DOK7: variants seen among roughly 807,000 people sequenced by gnomAD.
The protein encoded by DOK7 is docking protein 7, also known as protein Dok-7.
Under a neutral mutation model 30.7 loss-of-function variants are expected in DOK7, and 32 were observed. The ratio of observed to expected loss-of-function variants is 1.04; its 90% CI spans 0.79 to 1.40. DOK7 has a LOEUF of 1.40. Ranked by LOEUF, DOK7 falls within the 40% of genes most tolerant of loss-of-function variation. The pLI, the probability that DOK7 is intolerant of heterozygous loss-of-function variation, is 0.00. For missense variants in DOK7, 1,007 were observed against 699.2 expected (o/e 1.44, Z -4.97); for synonymous variants, 447 against 324.1 (o/e 1.38, Z -4.07).
Position 3,494,373 on chromosome 4 carries a change from G to A in DOK7, c.*872G>A, listed in dbSNP as rs530918400. The A allele has an allele frequency of 8.3e-5, 82 of 985,602 alleles. No homozygotes were observed. The African/African-American group carries it at 1.2e-3, about 14-fold the overall frequency. 61.1% of individuals were successfully genotyped at this position (985,602 alleles called of 1,614,324 possible). ...TCTTGCACAGCCTGGAGCCTGCCCT[G>A]ACCACAGCCCAGCAGCTCCCTGTGA... On this transcript the variant is annotated 3_prime_UTR_variant, in exon 7 of 7. Transcript: ENST00000340083.
intron 6 of DOK7, among the ~76,000 whole-genome samples, chr4:3,490,408 C>CCTCCTGCTCATTCATTCCTTCTTTAA (rs1728225413): frequency 1.5e-5 from 1 of 68,012 alleles, no homozygotes; most frequent in Non-Finnish European, 2.9e-5. Context: ...CCTTCTTTCA[C>CCTCCTGCTCATTCATTCCTTCTTTAA]CCCCCCCACC....
At chr4:3,499,050 G>C (rs1451675448), downstream of DOK7, among the ~76,000 whole-genome samples, 1 of 152,242 alleles carries the variant, frequency 6.6e-6, no homozygotes, top group Non-Finnish European at 1.5e-5. Context: ...GAGTGACGGG[G>C]ACAAGGGTGA....
At chr4:3,490,605 TCC>T (rs1728275864) in intron 6 of DOK7, among the ~76,000 whole-genome samples, 1 of 80,754 alleles carries the variant, frequency 1.2e-5, no homozygotes, top group East Asian at 5.5e-4. Context: ...ATTTCTTCTC[TCC>T]CTGCTCGTTC....
exon 8 of DOK7, chr4:3,500,876 TG>T: frequency 6.8e-7 from 1 of 1,477,892 alleles, no homozygotes; most frequent in Non-Finnish European, 9.0e-7. Context: ...TGCGGCCCCG[TG>T]GCCCCCGGCA....
At chr4:3,480,564 C>T (rs1202476303) in intron 4 of DOK7, among the ~76,000 whole-genome samples, 3 of 152,116 alleles carry the variant, frequency 2.0e-5, no homozygotes, top group African/African-American at 4.8e-5. Flanking sequence ...GCTGAGATCC[C>T]GCCATTGCAG....
At chr4:3,496,803 G>C, downstream of DOK7, 1 of 1,536,112 alleles carries the variant, frequency 6.5e-7, no homozygotes. Flanking sequence ...CACTGACCCA[G>C]GTTCTCTTTG....
intron 2 of DOK7, among the ~76,000 whole-genome samples, chr4:3,463,934 G>A (rs1726123753): frequency 6.6e-6 from 1 of 152,196 alleles, no homozygotes; most frequent in African/African-American, 2.4e-5. Flanking sequence ...CAGGGGTGCT[G>A]CGTGGGTTAG....
chr4:3,473,146 G>A (rs536606701), intron 2 of DOK7, among the ~76,000 whole-genome samples: 2 of 152,386 alleles, frequency 1.3e-5, no homozygotes, highest in East Asian at 3.9e-4. Context: ...CCAGAACCCA[G>A]TCATGGGAGC....
At position 3,476,338 on chromosome 4, in the gene DOK7, G is replaced by A. The variant is rs199578351; in HGVS notation, c.332-4G>A. 1,968 of 1,384,606 alleles carry A rather than the reference G, an allele frequency of 1.4e-3. 67 individuals carry two copies. The African/African-American group carries it at 0.028, about 20-fold the overall frequency. The allele number at this position is 1,384,606 out of a possible 1,614,324, so 85.8% of individuals were successfully genotyped here. A position where few individuals can be genotyped will look rare whatever the true frequency, so the allele number is the denominator to read the frequency against. ...TGATGCCCTCTTGCCCCGCCTGCCC[G>A]CAGTGCATAGGTTCCATGTGACAGT... On this transcript the variant is annotated splice_region_variant and splice_polypyrimidine_tract_variant and intron_variant, in intron 3 of 6. Coordinates refer to ENST00000340083, the MANE Select transcript of DOK7 (RefSeq NM_173660.5).
In DOK7 at chr4:3,468,486, GTA is replaced by G. The variant is rs530854690; in HGVS notation, c.101-4918_101-4917del. 3.6e-4 allele frequency among the ~76,000 whole-genome samples: 55 copies of G among 151,648 alleles called. No individual in the cohort carries two copies. The South Asian group carries it at 7.1e-3, about 20-fold the overall frequency. ...CATGTATGTGTGCCTCTGTGTACAT[GTA>G]TGAGTGTGCATGTGCGTGTGTGCGT... On this transcript the variant is annotated intron_variant, in intron 2 of 6. Transcript: ENST00000340083.
Position 3,473,316 on chromosome 4 carries a change from G to C in DOK7, c.101-90G>C, listed in dbSNP as rs1370917079. The C allele has an allele frequency of 4.5e-6, 6 of 1,332,040 alleles. No individual in the cohort carries two copies. In the Admixed American group the frequency reaches 9.7e-5, roughly 21 times the overall value. The allele number at this position is 1,332,040 out of a possible 1,614,324, so 82.5% of individuals were successfully genotyped here. The stretch of plus-strand genomic sequence containing the variant: ...GGCTTGAGGTCATGACCCCAGCCCG[G>C]GTCTCTGCACTGTCACGGCCTCCCC... On this transcript the variant is annotated intron_variant, in intron 2 of 6. Coordinates refer to ENST00000340083, the MANE Select transcript of DOK7 (RefSeq NM_173660.5).
At chr4:3,465,611 G>T (rs10019922) in intron 2 of DOK7, among the ~76,000 whole-genome samples, 9,343 of 152,298 alleles carry the variant, frequency 0.061, 522 homozygotes, top group African/African-American at 0.15. Context: ...TCAATCGTGA[G>T]CACGTCTTTC....
Position 3,492,708 on chromosome 4 carries a change from G to A in DOK7, c.773-51G>A, listed in dbSNP as rs73195197. 0.016 allele frequency: 25,010 copies of A among 1,594,678 alleles called. 239 individuals carry two copies. Among genetic ancestry groups the A allele is most frequent in the Non-Finnish European group, 0.019 (22,402 of 1,174,248 alleles). ...GTCCACCAGGCATCAGCCACGTCCTGCCCAGACCCCTGTACCCCCACAACT... is the reference window on the plus strand; with the variant it reads ...GTCCACCAGGCATCAGCCACGTCCTACCCAGACCCCTGTACCCCCACAACT... On this transcript the variant is annotated intron_variant, in intron 6 of 6. Transcript: ENST00000340083.
chr4:3,481,691 G>A (rs1239547482), intron 4 of DOK7, among the ~76,000 whole-genome samples: 28 of 152,314 alleles, frequency 1.8e-4, no homozygotes, highest in Admixed American at 1.7e-3. Flanking sequence ...TGGTCACCCC[G>A]ATGTTTGTTC....
chr4:3,486,699 C>A (rs28715887), intron 5 of DOK7, among the ~76,000 whole-genome samples: 3 of 95,020 alleles, frequency 3.2e-5, no homozygotes, highest in African/African-American at 1.2e-4. Flanking sequence ...AGTGGATGCA[C>A]CCCTGCAGGT....
downstream of DOK7, chr4:3,494,517 G>C (rs1205545750): frequency 1.0e-6 from 1 of 985,466 alleles, no homozygotes; most frequent in Non-Finnish European, 1.2e-6. Context: ...AGCCCTCTCC[G>C]CCTCCTCGCC....
intron 5 of DOK7, among the ~76,000 whole-genome samples, chr4:3,487,098 C>T (rs1303602841): frequency 2.0e-5 from 3 of 152,174 alleles, no homozygotes; most frequent in South Asian, 4.1e-4. Context: ...TCCCAGACCC[C>T]ACTCCACAGG....
chr4:3,495,001 G>A (rs1279308092), downstream of DOK7, among the ~76,000 whole-genome samples: 1 of 152,238 alleles, frequency 6.6e-6, no homozygotes, highest in Non-Finnish European at 1.5e-5. Context: ...TGAGCGGGGA[G>A]TTCTGGAGGG....
Position 3,500,881 on chromosome 4 carries a change from C to A in DOK7, c.*56C>A, listed in dbSNP as rs867341442. The A allele has an allele frequency of 5.4e-6, 8 of 1,472,758 alleles. No homozygotes were observed. In the Middle Eastern group the frequency reaches 9.9e-4, roughly 181 times the overall value. The allele number at this position is 1,472,758 out of a possible 1,614,324, so 91.2% of individuals were successfully genotyped here. ...CGGTGCGCTGTGCGGCCCCGTGGCC[C>A]CCGGCAGGCCAGCCCCTTCTGTTGG... On this transcript the variant is annotated 3_prime_UTR_variant, in exon 8 of 8. Coordinates refer to the DOK7 transcript ENST00000643608.
Sources: allele counts gnomAD v4.1 joint callset (sites outside exome capture counted in the v4.1 genomes callset), GRCh38; gene constraint gnomAD v4.1.1; transcripts MANE v1.5; gene names NCBI Gene and HGNC (gene_info 2026-07-23, HGNC 2026-07-21).